L3MBTL3: variants seen among roughly 807,000 people sequenced by gnomAD.
The protein encoded by L3MBTL3 is L3MBTL histone methyl-lysine binding protein 3.
Under a neutral mutation model 102.3 loss-of-function variants are expected in L3MBTL3, and 27 were observed. The ratio of observed to expected loss-of-function variants is 0.26; its 90% CI spans 0.19 to 0.36. The LOEUF (loss-of-function observed/expected upper bound fraction) is 0.36, where lower values mean the gene tolerates loss of function less well. L3MBTL3 is among the 10% of genes least tolerant of loss of function. The pLI, the probability that L3MBTL3 is intolerant of heterozygous loss-of-function variation, is 1.00. For synonymous variants in L3MBTL3, 340 were observed against 320.9 expected, an observed-to-expected ratio of 1.06 and a Z score of -0.64; for missense variants, 798 against 955.3, an observed-to-expected ratio of 0.84 and a Z score of 2.17.
chr6:130,026,847 T>C (rs1170170013), intron 2 of L3MBTL3, among the ~76,000 whole-genome samples: 5 of 152,110 alleles, frequency 3.3e-5, no homozygotes. Context: ...GACCTGCATC[T>C]ACCAAGGCAG....
intron 20 of L3MBTL3, among the ~76,000 whole-genome samples, chr6:130,132,553 T>A (rs1787168481): frequency 6.6e-6 from 1 of 152,114 alleles, no homozygotes; most frequent in Non-Finnish European, 1.5e-5. Context: ...AGAGAGGAAA[T>A]GTATGGGAGG....
Position 130,133,341 on chromosome 6 carries a change from C to A in L3MBTL3, c.1967-111C>A. 1.0e-6 allele frequency: 1 copy of A among 986,212 alleles called. No homozygotes were observed. Among genetic ancestry groups the A allele is most frequent in the Non-Finnish European group, 1.5e-6 (1 of 654,494 alleles). 61.1% of individuals were successfully genotyped at this position (986,212 alleles called of 1,614,324 possible). ...TTCAATAGTATAATGCTGAAAGGAACCAATGCTTTAACCACTCCCACCTCC... is the reference window on the plus strand; with the variant it reads ...TTCAATAGTATAATGCTGAAAGGAAACAATGCTTTAACCACTCCCACCTCC... On this transcript the variant is annotated intron_variant, in intron 20 of 22. Coordinates refer to ENST00000361794, the MANE Select transcript of L3MBTL3 (RefSeq NM_032438.4). This position sits in a 1 kb window ranked among gnomAD's most constrained non-coding sequence, Gnocchi z 4.9.
intron 4 of L3MBTL3, 96 bp downstream of exon 4, chr6:130,049,489 C>T (rs544234899): frequency 1.5e-5 from 13 of 855,464 alleles, no homozygotes; most frequent in South Asian, 9.2e-5. Context: ...TTGAAGGCCC[C>T]GGGTAATTTT....
At chr6:130,132,881 C>T (rs1426737855) in intron 20 of L3MBTL3, among the ~76,000 whole-genome samples, 3 of 151,928 alleles carry the variant, frequency 2.0e-5, no homozygotes, top group African/African-American at 7.3e-5. Flanking sequence ...AAAACATTTG[C>T]ATTTCTGCTG....
chr6:130,062,360 A>G (rs2114920759), intron 10 of L3MBTL3, among the ~76,000 whole-genome samples: 1 of 151,120 alleles, frequency 6.6e-6, no homozygotes, highest in South Asian at 2.1e-4. Flanking sequence ...TTTGACACAC[A>G]GACAAACACA....
At chr6:130,035,899 A>G (rs1278001708) in intron 2 of L3MBTL3, among the ~76,000 whole-genome samples, 2 of 151,632 alleles carry the variant, frequency 1.3e-5, no homozygotes, top group Non-Finnish European at 2.9e-5. Context: ...ACCATTTAAC[A>G]AAAAAAAATT....
intron 18 of L3MBTL3, among the ~76,000 whole-genome samples, chr6:130,099,117 AC>A (rs1332834712): frequency 6.6e-6 from 1 of 152,068 alleles, no homozygotes; most frequent in Non-Finnish European, 1.5e-5. Context: ...CTAGAAAAAA[AC>A]ATTCTTAGAG....
chr6:130,094,225 A>G (rs1261731369), intron 17 of L3MBTL3, 40 bp from the exon 18 acceptor site: 3 of 1,493,318 alleles, frequency 2.0e-6, no homozygotes, highest in African/African-American at 2.8e-5. Flanking sequence ...ATTTTTGCTT[A>G]ATATTTTGCC....
At position 130,027,064 on chromosome 6, in the gene L3MBTL3, G is replaced by A. The variant is rs572868693; in HGVS notation, c.-16+4759G>A. On this transcript the variant is annotated intron_variant, in intron 2 of 22. Coordinates refer to ENST00000361794, the MANE Select transcript of L3MBTL3 (RefSeq NM_032438.4). ...GGTGTTATACACTGTAACCAAAAGA[G>A]TATGTCCCATGTTTGCAAAATGAGG... 1.2e-4 allele frequency among the ~76,000 whole-genome samples: 19 copies of A among 152,230 alleles called. No homozygotes were observed. The South Asian group carries it at 1.4e-3, about 12-fold the overall frequency.
At position 130,092,173 on chromosome 6, in the gene L3MBTL3, G is replaced by T. The variant is rs552478769; in HGVS notation, c.1519-572G>T. Among the ~76,000 whole-genome samples, 9 of 152,052 alleles carry T rather than the reference G, an allele frequency of 5.9e-5. No individual in the cohort carries two copies. In the South Asian group the frequency reaches 1.5e-3, roughly 25 times the overall value. Reference sequence around the variant, plus strand: ...AAACAATAATAGAACACATATTTGAGAAATACTGTAGTTATTTGCAAGGAA... The same window carrying T: ...AAACAATAATAGAACACATATTTGATAAATACTGTAGTTATTTGCAAGGAA... On this transcript the variant is annotated intron_variant, in intron 16 of 22. Transcript: ENST00000361794.
At chr6:130,066,550 A>AG in intron 11 of L3MBTL3, 62 bp downstream of exon 11, 2 of 1,412,312 alleles carry the variant, frequency 1.4e-6, no homozygotes, top group Non-Finnish European at 2.0e-6. Flanking sequence ...TACATGCTAC[A>AG]TTAGAATTGT....
intron 19 of L3MBTL3, among the ~76,000 whole-genome samples, chr6:130,116,325 G>A (rs1337102077): frequency 6.6e-6 from 1 of 152,140 alleles, no homozygotes; most frequent in Non-Finnish European, 1.5e-5. Flanking sequence ...TACCAATGAT[G>A]TAACTGAGAA....
At chr6:130,110,107 A>T (rs1227157621) in intron 19 of L3MBTL3, among the ~76,000 whole-genome samples, 2 of 152,142 alleles carry the variant, frequency 1.3e-5, no homozygotes, top group Non-Finnish European at 2.9e-5. Context: ...GTAGCCTTGT[A>T]GTATAGTTTG....
chr6:130,126,113 C>G (rs578177761), intron 20 of L3MBTL3, among the ~76,000 whole-genome samples: 132 of 151,912 alleles, frequency 8.7e-4, no homozygotes, highest in African/African-American at 3.0e-3. Context: ...CCCTCCCTCC[C>G]TCCCTCTCTT....
intron 13 of L3MBTL3, among the ~76,000 whole-genome samples, chr6:130,073,032 A>C (rs917355652): frequency 6.6e-6 from 1 of 151,744 alleles, no homozygotes; most frequent in African/African-American, 2.4e-5. Flanking sequence ...ACCTCATCTT[A>C]TTTACTGTGT....
intron 2 of L3MBTL3, among the ~76,000 whole-genome samples, chr6:130,028,619 G>A (rs765016566): frequency 3.9e-5 from 6 of 152,170 alleles, no homozygotes; most frequent in Non-Finnish European, 7.3e-5. Flanking sequence ...TCCAATATAT[G>A]TGTGATTCAG....
chr6:130,096,372 T>C (rs1784368632), intron 18 of L3MBTL3, among the ~76,000 whole-genome samples: 1 of 152,260 alleles, frequency 6.6e-6, no homozygotes, highest in Non-Finnish European at 1.5e-5. Flanking sequence ...CCCTTTCTGC[T>C]GTACAAAGTG....
chr6:130,118,273 T>A (rs571506025), intron 19 of L3MBTL3, among the ~76,000 whole-genome samples: 15 of 152,316 alleles, frequency 9.8e-5, no homozygotes, highest in African/African-American at 3.6e-4. Context: ...TTCTCTACAT[T>A]TCTGTGGCTA....
In L3MBTL3 at chr6:130,092,794, A is replaced by G; in HGVS notation, c.1568A>G (p.Asp523Gly). 1.2e-6 allele frequency: 2 copies of G among 1,613,516 alleles called. No homozygotes were observed. Residue 523 changes from aspartate to glycine, a missense_variant, in exon 17 of 23, where the codon GAT becomes GGT. Physicochemically the swap from Asp to Gly is moderately conservative, Grantham distance 94. Transcript: ENST00000361794. The part of the protein sequence containing the change: ...NNCYDYWIDA[D>G]SPDIHPVGWC... ...TGCTATGATTACTGGATAGATGCAG[A>G]TTCTCCTGATATTCACCCTGTAGGC...
Sources: gnomAD v4.1 joint callset for allele counts (sites outside exome capture counted in the v4.1 genomes callset) on GRCh38, gnomAD v4.1.1 for gene constraint, Gnocchi (gnomAD v3.1) non-coding constraint, MANE v1.5 for transcripts, NCBI Gene and HGNC (gene_info 2026-07-23, HGNC 2026-07-21) for gene names.